Variants in DNAH3 observed in about 807,000 individuals in gnomAD.
DNAH3 encodes dynein axonemal heavy chain 3.
In DNAH3, 332 loss-of-function variants were observed where a neutral mutation model predicts 432.5. The observed-to-expected ratio is 0.77, with a 90% confidence interval of 0.70 to 0.84. The LOEUF is 0.84. DNAH3 is among the 40% of genes least tolerant of loss of function. DNAH3 has a pLI of 0.00. For missense variants in DNAH3, 4,861 were observed against 5,114.0 expected (o/e 0.95, Z 1.51); for synonymous variants, 1,956 against 1,900.2 (o/e 1.03, Z -0.76).
chr16:21,025,240 T>C (rs1399715964), intron 38 of DNAH3, among the ~76,000 whole-genome samples: 1 of 151,938 alleles, frequency 6.6e-6, no homozygotes, highest in Non-Finnish European at 1.5e-5. Flanking sequence ...TCGCCCGGCC[T>C]GTTCCTAAAG....
chr16:21,104,727 C>G, intron 15 of DNAH3, 133 bp from the exon 16 acceptor site: 1 of 601,832 alleles, frequency 1.7e-6, no homozygotes. Context: ...GGATGAGTGA[C>G]AGTGACATTT....
chr16:20,956,173 C>T (rs1260257651), intron 54 of DNAH3, among the ~76,000 whole-genome samples: 3 of 152,224 alleles, frequency 2.0e-5, no homozygotes, highest in Admixed American at 2.0e-4. Context: ...GGTGATCCAC[C>T]CACCTCGGCC....
rs140693258 is a variant in DNAH3 at position 20,958,524 on chromosome 16, CCT to C, written c.10826+653_10826+654del. Among the ~76,000 whole-genome samples the C allele has an allele frequency of 3.6e-3, 555 of 152,228 alleles. 2 individuals are homozygous for C. The highest frequency in any genetic ancestry group is 0.012 in the African/African-American group (511 of 41,534). ...ATAACTTCTCAGGATTTCCTTAATA[CCT>C]CTCTTTGCTTTTCCAATACCTCTCT... On this transcript the variant is annotated intron_variant, in intron 54 of 61. Transcript: ENST00000261383.
intron 27 of DNAH3, 78 bp from the exon 28 acceptor site, chr16:21,054,612 T>G: frequency 2.8e-6 from 3 of 1,088,408 alleles, no homozygotes; most frequent in Non-Finnish European, 4.1e-6. Flanking sequence ...AATGGTACCA[T>G]GGACCACCGG....
At chr16:21,110,963 C>T (rs2092057050) in intron 14 of DNAH3, among the ~76,000 whole-genome samples, 1 of 152,124 alleles carries the variant, frequency 6.6e-6, no homozygotes, top group Non-Finnish European at 1.5e-5. Flanking sequence ...TGTGACTGTA[C>T]CTGTGAATAA....
chr16:21,122,223 A>G (rs1258524039), intron 9 of DNAH3, 99 bp from the exon 11 acceptor site: 2 of 1,013,044 alleles, frequency 2.0e-6, no homozygotes, highest in Non-Finnish European at 2.9e-6. Flanking sequence ...GAGGACCAGA[A>G]AAGGCAATGA....
intron 22 of DNAH3, 97 bp from the exon 23 acceptor site, chr16:21,069,691 T>C: frequency 9.4e-7 from 1 of 1,067,798 alleles, no homozygotes. Flanking sequence ...CATTTATTCA[T>C]TCATTCAGTC....
intron 44 of DNAH3, among the ~76,000 whole-genome samples, chr16:20,993,024 C>T (rs2086623309): frequency 6.6e-6 from 1 of 152,016 alleles, no homozygotes; most frequent in African/African-American, 2.4e-5. Context: ...CACCACCATG[C>T]CTGTCTAATT....
chr16:21,027,938 C>G (rs1340340352), intron 37 of DNAH3, among the ~76,000 whole-genome samples: 1 of 152,206 alleles, frequency 6.6e-6, no homozygotes, highest in East Asian at 1.9e-4. Flanking sequence ...CCCGCATGGA[C>G]TAATCCATAG....
At chr16:21,156,274 C>A (rs888527628) in intron 1 of DNAH3, among the ~76,000 whole-genome samples, 2 of 149,676 alleles carry the variant, frequency 1.3e-5, no homozygotes, top group Non-Finnish European at 3.0e-5. Flanking sequence ...CTTTGTTGCC[C>A]AGGCTAGAGT....
intron 49 of DNAH3, among the ~76,000 whole-genome samples, chr16:20,980,258 TA>T (rs2085815696): frequency 1.2e-5 from 1 of 86,230 alleles, no homozygotes; most frequent in Non-Finnish European, 2.8e-5. Flanking sequence ...ATACATCATA[TA>T]TTATATTATA....
intron 56 of DNAH3, among the ~76,000 whole-genome samples, chr16:20,950,313 T>G (rs746636809): frequency 6.6e-6 from 1 of 152,186 alleles, no homozygotes; most frequent in African/African-American, 2.4e-5. Flanking sequence ...CTTTCAACCT[T>G]GGCACTCTTA....
chr16:21,153,874 T>C lies in DNAH3; in HGVS notation c.117+5451A>G, dbSNP rs1441474255. 2.0e-5 allele frequency among the ~76,000 whole-genome samples: 3 copies of C among 152,218 alleles called. No homozygotes were observed. In the East Asian group the frequency reaches 5.8e-4, roughly 29 times the overall value. ...ATTTTCCCCCTTTTTCTACTCCTTT[T>C]CCTCAAAGTTGGGCTTTCCATCCTT... On this transcript the variant is annotated intron_variant, in intron 1 of 61. Coordinates refer to ENST00000261383, the Ensembl canonical transcript of DNAH3.
At chr16:20,969,142 A>ATTTCC (rs1289856015) in intron 52 of DNAH3, among the ~76,000 whole-genome samples, 1 of 114,904 alleles carries the variant, frequency 8.7e-6, no homozygotes, top group Non-Finnish European at 1.8e-5. Flanking sequence ...CTTTCTCCCG[A>ATTTCC]TTTCCTTCTC....
chr16:21,033,946 C>G (rs2089026249), intron 36 of DNAH3, 28 bp downstream of exon 36: 1 of 1,558,194 alleles, frequency 6.4e-7, no homozygotes, highest in Non-Finnish European at 8.8e-7. Flanking sequence ...GTTCTGTCCT[C>G]CCTGGAAGCC....
chr16:20,954,918 CA>C lies in DNAH3; in HGVS notation c.10965del (p.Val3656CysfsTer10), dbSNP rs764856148. 8 of 1,614,008 alleles carry C rather than the reference CA, an allele frequency of 5.0e-6. No individual in the cohort carries two copies. In the East Asian group the frequency reaches 1.8e-4, roughly 36 times the overall value. On this transcript the variant is annotated frameshift_variant, in exon 55 of 62. Coordinates refer to ENST00000261383, the Ensembl canonical transcript of DNAH3. LOFTEE classifies it high-confidence loss of function. ...GCCTTTGCACAGCTTTGGAAGAACA[CA>C]GGATCTGAGATGGGGTCATTGAGGT...
In DNAH3 at chr16:21,148,445, T is replaced by A. The variant is rs572599289; in HGVS notation, c.118-2357A>T. Among the ~76,000 whole-genome samples the A allele has an allele frequency of 1.4e-3, 217 of 150,368 alleles. 1 individual carries two copies. Among genetic ancestry groups the A allele is most frequent in the African/African-American group, 5.2e-3 (211 of 40,762 alleles). On this transcript the variant is annotated intron_variant, in intron 1 of 61. Transcript: ENST00000261383. ...TTTATTATTATTATTATTATTTATT[T>A]TTTTTTTTTGAGTCCAAGTTTTCGC...
At chr16:21,032,369 T>C (rs1363460859) in intron 36 of DNAH3, among the ~76,000 whole-genome samples, 1 of 152,124 alleles carries the variant, frequency 6.6e-6, no homozygotes, top group Non-Finnish European at 1.5e-5. Flanking sequence ...TCCCAAGAAA[T>C]ACACGCTGGA....
At chr16:21,035,063 A>C (rs2089093410) in intron 35 of DNAH3, among the ~76,000 whole-genome samples, 1 of 152,208 alleles carries the variant, frequency 6.6e-6, no homozygotes, top group Non-Finnish European at 1.5e-5. Flanking sequence ...TGGGTAGCTC[A>C]CACCTGTAAT....
Sources: allele counts gnomAD v4.1 joint callset (sites outside exome capture counted in the v4.1 genomes callset), GRCh38; gene constraint gnomAD v4.1.1; transcripts MANE v1.5; gene names NCBI Gene and HGNC (gene_info 2026-07-23, HGNC 2026-07-21).